Variants in PCTP observed in about 807,000 individuals in gnomAD.
PCTP encodes START domain-containing protein 2.
A neutral mutation model predicts 31.0 loss-of-function variants in PCTP; 27 were observed. That is an observed-to-expected ratio of 0.87 (90% CI 0.64 to 1.20). The LOEUF is 1.20. Among genes scored for constraint, PCTP ranks in the 50% most tolerant of loss-of-function variants. PCTP has a pLI of 0.00. For missense variants in PCTP, 287 were observed against 268.2 expected (o/e 1.07, Z -0.49); for synonymous variants, 108 against 101.2 (o/e 1.07, Z -0.40).
the PCTP span, among the ~76,000 whole-genome samples, chr17:55,851,995 T>C: frequency 6.6e-6 from 1 of 152,204 alleles, no homozygotes; most frequent in African/African-American, 2.4e-5. Context: ...AAATACAATA[T>C]AATTCTACAA....
At chr17:55,828,952 C>T (rs78865676) in intron 5 of PCTP, among the ~76,000 whole-genome samples, 7 of 152,110 alleles carry the variant, frequency 4.6e-5, no homozygotes, top group Admixed American at 6.5e-5. Flanking sequence ...CCCAGTCCCC[C>T]CTACATGTTA....
downstream of PCTP, among the ~76,000 whole-genome samples, chr17:55,824,890 CT>C (rs751000953): frequency 2.8e-4 from 43 of 152,128 alleles, no homozygotes; most frequent in Non-Finnish European, 5.4e-4. Flanking sequence ...CAATCTTTTT[CT>C]TTCATCTTTA....
chr17:55,758,581 C>T (rs1359555732), intron 1 of PCTP, among the ~76,000 whole-genome samples: 8 of 152,154 alleles, frequency 5.3e-5, no homozygotes, highest in Non-Finnish European at 7.4e-5. Flanking sequence ...TGATTACCAG[C>T]GTGATTGATA....
intron 5 of PCTP, 118 bp from the exon 6 acceptor site, chr17:55,775,917 G>T: frequency 6.8e-7 from 1 of 1,474,560 alleles, no homozygotes; most frequent in South Asian, 1.5e-5. Flanking sequence ...ATCCAGTTAG[G>T]GAGCCTATTC....
intron 5 of PCTP, 133 bp downstream of exon 5, chr17:55,774,992 T>G: frequency 9.8e-7 from 1 of 1,021,322 alleles, no homozygotes; most frequent in Non-Finnish European, 1.5e-6. Flanking sequence ...ATGAAGAGTT[T>G]GGTTGAGTGA....
In PCTP at chr17:55,800,989, C is replaced by T. The variant is rs1161727696; in HGVS notation, c.317+13335C>T. ...TAGCAAAGATTACTGCCTGTTCCTT[C>T]CTCTGGAAGCTTCGTCCCAGAGGGG... On this transcript the variant is annotated intron_variant, in intron 3 of 3. Coordinates refer to the PCTP transcript ENST00000572536. Among the ~76,000 whole-genome samples the T allele has an allele frequency of 2.0e-5, 3 of 152,100 alleles. No individual in the cohort carries two copies. The East Asian group carries it at 5.8e-4, about 29-fold the overall frequency.
At chr17:55,813,240 A>G (rs990506758) in intron 3 of PCTP, among the ~76,000 whole-genome samples, 2 of 152,170 alleles carry the variant, frequency 1.3e-5, no homozygotes, top group Non-Finnish European at 2.9e-5. Flanking sequence ...TATTTAAACA[A>G]TATTATAATG....
rs749839152 is a variant in PCTP, at chr17:55,774,864, GA to G, written c.579+6del. The G allele has an allele frequency of 1.3e-6, 1 of 769,188 alleles. No individual in the cohort carries two copies. The allele number at this position is 769,188 out of a possible 1,614,324, so 47.6% of individuals were successfully genotyped here. On this transcript the variant is annotated splice_donor_region_variant and intron_variant, in intron 5 of 5. Coordinates refer to ENST00000268896, the MANE Select transcript of PCTP (RefSeq NM_021213.4). Reference sequence around the variant, plus strand: ...CTCATTAACTGGGCCGCCAAGGTGAGATCCCAGGAGGTGGGGCGGGGGGAGG... The same window carrying G: ...CTCATTAACTGGGCCGCCAAGGTGAGTCCCAGGAGGTGGGGCGGGGGGAGG...
intron 5 of PCTP, among the ~76,000 whole-genome samples, chr17:55,833,860 A>C (rs1341219996): frequency 1.3e-5 from 2 of 152,220 alleles, no homozygotes; most frequent in African/African-American, 4.8e-5. Context: ...TTCTAGCTCT[A>C]GATTATCCTG....
intron 5 of PCTP, 138 bp downstream of exon 5, chr17:55,774,997 G>A (rs192682886): frequency 1.3e-5 from 13 of 993,434 alleles, no homozygotes; most frequent in Non-Finnish European, 1.8e-5. Flanking sequence ...GAGTTTGGTT[G>A]AGTGACTCTG....
At position 55,791,780 on chromosome 17, in the gene PCTP, A is replaced by G. The variant is rs1351196619; in HGVS notation, c.317+4126A>G. On this transcript the variant is annotated intron_variant, in intron 3 of 3. Transcript: ENST00000572536. ...TCAGAAATCTAGAACTAGAAATACCATTTGACCCAGCCATCCCATTACTGG... is the reference window on the plus strand; with the variant it reads ...TCAGAAATCTAGAACTAGAAATACCGTTTGACCCAGCCATCCCATTACTGG... Among the ~76,000 whole-genome samples, 4 of 152,168 alleles carry G rather than the reference A, an allele frequency of 2.6e-5. No individual in the cohort carries two copies. In the East Asian group the frequency reaches 7.7e-4, roughly 29 times the overall value.
chr17:55,845,890 GTGTGTGTGTGTGT>G (rs1906136633), downstream of PCTP, among the ~76,000 whole-genome samples: 1 of 115,070 alleles, frequency 8.7e-6, no homozygotes, highest in Non-Finnish European at 1.8e-5. Flanking sequence ...GGGTTGGGGT[GTGTGTGTGTGTGT>G]GTGTGTGTGT....
intron 3 of PCTP, among the ~76,000 whole-genome samples, chr17:55,808,974 T>C (rs188033037): frequency 2.8e-4 from 42 of 151,920 alleles, no homozygotes; most frequent in Middle Eastern, 3.4e-3. Context: ...GGTGAGGCAA[T>C]GGTGTTCAAG....
chr17:55,817,998 T>C (rs1226078920), intron 3 of PCTP, among the ~76,000 whole-genome samples: 1 of 151,588 alleles, frequency 6.6e-6, no homozygotes, highest in African/African-American at 2.4e-5. Context: ...GGAGAGGGAG[T>C]AAGACCTAAG....
At chr17:55,785,852 A>G (rs995481991) in intron 2 of PCTP, among the ~76,000 whole-genome samples, 43 of 152,210 alleles carry the variant, frequency 2.8e-4, no homozygotes, top group African/African-American at 1.0e-3. Context: ...CCATATTTAT[A>G]GGTTATTTGT....
At chr17:55,774,750 T>C (rs2960061) in intron 4 of PCTP, 42 bp from the exon 5 acceptor site, 1,236,519 of 1,481,892 alleles carry the variant, frequency 0.83, 529,667 homozygotes, top group East Asian at 0.91. Context: ...ATTTTTCTGG[T>C]ATTTTTCCTT....
At chr17:55,833,495 T>C (rs763314346) in intron 5 of PCTP, among the ~76,000 whole-genome samples, 4 of 152,214 alleles carry the variant, frequency 2.6e-5, no homozygotes, top group Non-Finnish European at 5.9e-5. Flanking sequence ...TGTAAGTGTT[T>C]GCATGCACTG....
At chr17:55,835,689 T>G (rs1905754614) in intron 5 of PCTP, among the ~76,000 whole-genome samples, 1 of 152,084 alleles carries the variant, frequency 6.6e-6, no homozygotes, top group Admixed American at 6.6e-5. Flanking sequence ...ATCCCATGGG[T>G]TTGCCTTCCT....
At chr17:55,835,356 C>T (rs980254676) in intron 5 of PCTP, among the ~76,000 whole-genome samples, 1 of 152,220 alleles carries the variant, frequency 6.6e-6, no homozygotes, top group Non-Finnish European at 1.5e-5. Flanking sequence ...CCACAAAAGC[C>T]TAAACTCCTG....
Sources: gnomAD v4.1 joint callset for allele counts (sites outside exome capture counted in the v4.1 genomes callset) on GRCh38, gnomAD v4.1.1 for gene constraint, MANE v1.5 for transcripts, NCBI Gene and HGNC (gene_info 2026-07-23, HGNC 2026-07-21) for gene names.